ST6GALNAC1: variants seen among roughly 807,000 people sequenced by gnomAD.
ST6GALNAC1 encodes the protein ST6 N-acetylgalactosaminide alpha-2,6-sialyltransferase 1, also known as alpha-N-acetylgalactosaminide alpha-2,6-sialyltransferase 1.
Under a neutral mutation model 56.8 loss-of-function variants are expected in ST6GALNAC1, and 45 were observed. The ratio of observed to expected loss-of-function variants is 0.79; its 90% CI spans 0.62 to 1.02. The LOEUF is 1.02. ST6GALNAC1 is among the 50% of genes least tolerant of loss of function. The pLI, the probability that ST6GALNAC1 is intolerant of heterozygous loss-of-function variation, is 0.00. For synonymous variants in ST6GALNAC1, 295 were observed against 297.8 expected (o/e 0.99, Z 0.10); for missense variants, 743 against 754.8 (o/e 0.98, Z 0.18).
In ST6GALNAC1 at chr17:76,643,575, C is replaced by A. The variant is rs778149527; in HGVS notation, c.64G>T (p.Ala22Ser). Residue 22 changes from alanine to serine, a missense_variant, in exon 1 of 9, where the codon GCT becomes TCT. By Grantham distance (99) the Ala-to-Ser change is moderately conservative. Transcript: ENST00000156626. ...GCGAAGAGAAAGAAGACCAGGACAG[C>A]CAGAAGCAAGGACCACTGGACGCCT... ...SQGVQWSLLL[A>S]VLVFFLFALP... is the part of the protein sequence containing the mutation. 1.2e-6 allele frequency: 2 copies of A among 1,614,004 alleles called. No individual in the cohort carries two copies. Among genetic ancestry groups the A allele is most frequent in the Non-Finnish European group, 1.7e-6 (2 of 1,179,970 alleles).
the ST6GALNAC1 span, among the ~76,000 whole-genome samples, chr17:76,618,200 T>C: frequency 1.3e-5 from 2 of 152,192 alleles, no homozygotes; most frequent in Non-Finnish European, 2.9e-5. Flanking sequence ...GCTATCAGTA[T>C]GGGGTATCAG....
intron 1 of ST6GALNAC1, among the ~76,000 whole-genome samples, chr17:76,634,221 C>G (rs984762402): frequency 6.6e-6 from 1 of 152,196 alleles, no homozygotes; most frequent in African/African-American, 2.4e-5. Context: ...GTCCTGGGCT[C>G]TTTCTCAGTC....
chr17:76,632,234 A>G (rs75391478), intron 1 of ST6GALNAC1, among the ~76,000 whole-genome samples: 5,924 of 152,222 alleles, frequency 0.039, 185 homozygotes, highest in East Asian at 0.15. Flanking sequence ...GCAGAGAGGA[A>G]TTCTGCTGAA....
At chr17:76,622,798 CTTT>C (rs61197441), downstream of ST6GALNAC1, among the ~76,000 whole-genome samples, 16 of 140,576 alleles carry the variant, frequency 1.1e-4, no homozygotes, top group Non-Finnish European at 1.3e-4. Context: ...CTTGTCATTT[CTTT>C]TTTTTTTTTT....
At chr17:76,632,872 C>G (rs1320032275) in intron 1 of ST6GALNAC1, among the ~76,000 whole-genome samples, 1 of 152,148 alleles carries the variant, frequency 6.6e-6, no homozygotes, top group African/African-American at 2.4e-5. Context: ...TAATTCTGAT[C>G]TACTAGGGAA....
chr17:76,625,969 G>A lies in ST6GALNAC1; in HGVS notation c.1505+37C>T, dbSNP rs769192071. 8.1e-6 allele frequency: 13 copies of A among 1,610,270 alleles called. No homozygotes were observed. In the East Asian group the frequency reaches 2.5e-4, roughly 30 times the overall value. ...TGTCAGGAGGCTGCAAGGATAACAG[G>A]GACCTGGGCTACGTGTCACGTGCTT... On this transcript the variant is annotated intron_variant, in intron 7 of 8. Transcript: ENST00000156626.
Position 76,627,836 on chromosome 17 carries a change from G to A in ST6GALNAC1, c.832-253C>T, listed in dbSNP as rs1055827520. Among the ~76,000 whole-genome samples the A allele has an allele frequency of 6.6e-6, 1 of 152,112 alleles. No individual in the cohort carries two copies. The highest frequency in any genetic ancestry group is 1.5e-5 in the Non-Finnish European group (1 of 68,016). On this transcript the variant is annotated intron_variant, in intron 2 of 8. Coordinates refer to ENST00000156626, the MANE Select transcript of ST6GALNAC1 (RefSeq NM_018414.5). The surrounding 1 kb of genome is among the most constrained non-coding windows in gnomAD (Gnocchi z 4.4). ...ACCTAGGCCGGGTGTGGTGGCTCACGCCTGTAATCCTAGCACTTTGGGAGG... is the reference window on the plus strand; with the variant it reads ...ACCTAGGCCGGGTGTGGTGGCTCACACCTGTAATCCTAGCACTTTGGGAGG...
rs2143439890 is a variant in ST6GALNAC1 at position 76,629,615 on chromosome 17, A to G, written c.228T>C (p.Tyr76=). The change falls in exon 2 of 9, where the codon TAT becomes TAC. Residue 76 remains tyrosine (Y), a synonymous_variant. Transcript: ENST00000156626. ...APTRARRTTI[Y]AEPVPENNAL... Reference sequence around the variant, plus strand: ...CATTGTTCTCTGGCACTGGCTCTGCATAGATGGTTGTCCTCCTTGCCCTTG... The same window carrying G: ...CATTGTTCTCTGGCACTGGCTCTGCGTAGATGGTTGTCCTCCTTGCCCTTG... The G allele has an allele frequency of 1.2e-6, 2 of 1,613,472 alleles. No individual in the cohort carries two copies. The highest frequency in any genetic ancestry group is 1.7e-6 in the Non-Finnish European group (2 of 1,179,682).
intron 2 of ST6GALNAC1, among the ~76,000 whole-genome samples, 155 bp downstream of exon 2, chr17:76,628,857 G>C (rs2075849456): frequency 6.6e-6 from 1 of 152,182 alleles, no homozygotes; most frequent in Non-Finnish European, 1.5e-5. Flanking sequence ...GCAGAGTCTT[G>C]TAGGGCTGAG....
Position 76,643,541 on chromosome 17 carries a change from G to C in ST6GALNAC1, c.98C>G (p.Ser33Cys), listed in dbSNP as rs34722280. 8 of 1,613,986 alleles carry C rather than the reference G, an allele frequency of 5.0e-6. No individual in the cohort carries two copies. Among genetic ancestry groups the C allele is most frequent in the Non-Finnish European group, 6.8e-6 (8 of 1,179,956 alleles). ...VLVFFLFALP[S>C]FIKEPQTKPS... Reference sequence around the variant, plus strand: ...CTTTGTTTGAGGCTCCTTAATAAAAGAGGGCAAGGCGAAGAGAAAGAAGAC... The same window carrying C: ...CTTTGTTTGAGGCTCCTTAATAAAACAGGGCAAGGCGAAGAGAAAGAAGAC... The change falls in exon 1 of 9, where the codon TCT (serine) becomes TGT (cysteine). Residue 33 changes from serine to cysteine, a missense_variant. Coordinates refer to ENST00000156626, the MANE Select transcript of ST6GALNAC1 (RefSeq NM_018414.5).
Position 76,625,157 on chromosome 17 carries a change from T to C in ST6GALNAC1, c.*173A>G. ...GTACTGAAGAACTTCAGAACCTCAA[T>C]TAGCCATTTGCCATCTTGAGAGAGT... is the stretch of plus-strand genomic sequence containing the variant. On this transcript the variant is annotated 3_prime_UTR_variant, in exon 9 of 9. Coordinates refer to ENST00000156626, the MANE Select transcript of ST6GALNAC1 (RefSeq NM_018414.5). 1.5e-6 allele frequency: 1 copy of C among 669,260 alleles called. No homozygotes were observed. Among genetic ancestry groups the C allele is most frequent in the South Asian group, 2.0e-5 (1 of 51,118 alleles). 41.5% of individuals were successfully genotyped at this position (669,260 alleles called of 1,614,324 possible).
At chr17:76,621,819 G>A (rs2075743962), downstream of ST6GALNAC1, among the ~76,000 whole-genome samples, 1 of 152,024 alleles carries the variant, frequency 6.6e-6, no homozygotes, top group Non-Finnish European at 1.5e-5. Flanking sequence ...CTGTCTATAA[G>A]TACTGCCTAC....
At position 76,643,755 on chromosome 17, in the gene ST6GALNAC1, A is replaced by G. The variant is rs1027497373; in HGVS notation, c.-117T>C. 3.0e-6 allele frequency: 3 copies of G among 1,004,076 alleles called. 1 individual carries two copies. The highest frequency in any genetic ancestry group is 3.2e-5 in the South Asian group (2 of 63,074). 62.2% of individuals were successfully genotyped at this position (1,004,076 alleles called of 1,614,324 possible). A position where few individuals can be genotyped will look rare whatever the true frequency, so the allele number is the denominator to read the frequency against. ...GGAAGTGCACACCCTTTGTCTTAACAATGAGCCACTCCGGCAAGTGCTGAG... is the reference window on the plus strand; with the variant it reads ...GGAAGTGCACACCCTTTGTCTTAACGATGAGCCACTCCGGCAAGTGCTGAG... On this transcript the variant is annotated 5_prime_UTR_variant, in exon 1 of 9. Coordinates refer to ENST00000156626, the MANE Select transcript of ST6GALNAC1 (RefSeq NM_018414.5).
Position 76,643,555 on chromosome 17 carries a change from G to C in ST6GALNAC1, c.84C>G (p.Leu28=). The C allele has an allele frequency of 1.2e-6, 2 of 1,614,166 alleles. No homozygotes were observed. Among genetic ancestry groups the C allele is most frequent in the South Asian group, 1.1e-5 (1 of 91,072 alleles). Residue 28 remains leucine, a synonymous_variant, in exon 1 of 9, where the codon CTC becomes CTG. Transcript: ENST00000156626. ...SLLLAVLVFF[L]FALPSFIKEP... is the part of the protein sequence containing the mutation. Reference sequence around the variant, plus strand: ...CCTTAATAAAAGAGGGCAAGGCGAAGAGAAAGAAGACCAGGACAGCCAGAA... The same window carrying C: ...CCTTAATAAAAGAGGGCAAGGCGAACAGAAAGAAGACCAGGACAGCCAGAA...
At chr17:76,620,271 C>A (rs2075727531), downstream of ST6GALNAC1, among the ~76,000 whole-genome samples, 1 of 151,950 alleles carries the variant, frequency 6.6e-6, no homozygotes, top group South Asian at 2.1e-4. Context: ...AACTCTCGAC[C>A]TCAGGTGATC....
chr17:76,622,050 C>T (rs1260099988), downstream of ST6GALNAC1, among the ~76,000 whole-genome samples: 1 of 150,434 alleles, frequency 6.6e-6, no homozygotes, highest in Non-Finnish European at 1.5e-5. Flanking sequence ...CCTCCTGCCT[C>T]AGCCTCCCAA....
downstream of ST6GALNAC1, among the ~76,000 whole-genome samples, chr17:76,621,943 C>CTTTTTT (rs71158041): frequency 2.2e-4 from 30 of 137,960 alleles, no homozygotes; most frequent in Middle Eastern, 3.7e-3. Flanking sequence ...TCTTTCTTTT[C>CTTTTTT]TTTTTTTTTT....
chr17:76,626,856 G>T, intron 4 of ST6GALNAC1, 67 bp from the exon 5 acceptor site: 1 of 1,586,678 alleles, frequency 6.3e-7, no homozygotes, highest in East Asian at 2.2e-5. Context: ...AGGTGGATGG[G>T]GAAAGGAAGG....
chr17:76,642,206 C>T (rs1261870701), intron 1 of ST6GALNAC1, among the ~76,000 whole-genome samples: 2 of 123,422 alleles, frequency 1.6e-5, no homozygotes, highest in Non-Finnish European at 3.3e-5. Context: ...CTATCTCTCT[C>T]TCTCTCTATC....
Sources: gnomAD v4.1 joint callset for allele counts (sites outside exome capture counted in the v4.1 genomes callset) on GRCh38, gnomAD v4.1.1 for gene constraint, Gnocchi (gnomAD v3.1) non-coding constraint, MANE v1.5 for transcripts, NCBI Gene and HGNC (gene_info 2026-07-23, HGNC 2026-07-21) for gene names.